Variants in AFF1 observed in about 807,000 individuals in gnomAD.
The protein encoded by AFF1 is ALF transcription elongation factor 1, also known as AF4/FMR2 family member 1.
In AFF1, 48 loss-of-function variants were observed where a neutral mutation model predicts 121.7. That is an observed-to-expected ratio of 0.39 (90% CI 0.31 to 0.50). The LOEUF is 0.50. AFF1 is among the 20% of genes least tolerant of loss of function. The pLI is 0.76. For missense variants in AFF1, 1,523 were observed against 1,511.7 expected (o/e 1.01, Z -0.12); for synonymous variants, 613 against 563.0 (o/e 1.09, Z -1.26).
intron 19 of AFF1, 66 bp from the exon 20 acceptor site, chr4:87,134,405 A>G: frequency 7.1e-7 from 1 of 1,405,696 alleles, no homozygotes. Context: ...CCAGACACGT[A>G]AATCTGTGAT....
chr4:87,111,001 T>TA lies in AFF1; in HGVS notation c.1533+2686_1533+2687insA, dbSNP rs1560635270. On this transcript the variant is annotated intron_variant, in intron 11 of 20. Coordinates refer to ENST00000395146, the MANE Select transcript of AFF1 (RefSeq NM_001166693.3). ...CACTTTTATCTACTTAAACTTTATT[T>TA]TTTTTTTTTTATTTTTTTTTTTTTG... 2.6e-3 allele frequency among the ~76,000 whole-genome samples: 219 copies of TA among 85,412 alleles called. 50 individuals carry two copies. The highest frequency in any genetic ancestry group is 0.011 in the African/African-American group (212 of 18,502). 56.0% of individuals were successfully genotyped at this position (85,412 alleles called of 152,430 possible).
intron 2 of AFF1, among the ~76,000 whole-genome samples, chr4:86,965,603 G>A (rs1182806837): frequency 1.3e-5 from 2 of 152,112 alleles, no homozygotes; most frequent in Admixed American, 6.5e-5. Flanking sequence ...CTCCAAGATG[G>A]CTCACAGAAA....
intron 1 of AFF1, among the ~76,000 whole-genome samples, chr4:86,947,730 A>G (rs1030633606): frequency 1.3e-5 from 2 of 152,304 alleles, no homozygotes; most frequent in South Asian, 2.1e-4. Context: ...TACCAAGACT[A>G]TCTGCCCAGA....
intron 4 of AFF1, among the ~76,000 whole-genome samples, chr4:87,054,682 G>A (rs1325766333): frequency 6.6e-6 from 1 of 152,196 alleles, no homozygotes; most frequent in Non-Finnish European, 1.5e-5. Flanking sequence ...TGGAGCAGAC[G>A]ACTTCCAAAC....
At chr4:87,113,567 C>T (rs773950008) in intron 11 of AFF1, among the ~76,000 whole-genome samples, 6 of 152,080 alleles carry the variant, frequency 3.9e-5, no homozygotes, top group African/African-American at 9.7e-5. Context: ...CCGTATTGGT[C>T]GAATGTTTGA....
intron 4 of AFF1, among the ~76,000 whole-genome samples, chr4:87,072,832 T>G (rs1220183021): frequency 1.3e-5 from 2 of 152,178 alleles, no homozygotes; most frequent in African/African-American, 2.4e-5. Context: ...GTACCCAGCC[T>G]CTTGTGTTTA....
At chr4:86,998,124 AAAACAAG>A (rs1725380790) in intron 2 of AFF1, among the ~76,000 whole-genome samples, 1 of 146,558 alleles carries the variant, frequency 6.8e-6, no homozygotes, top group Non-Finnish European at 1.5e-5. Flanking sequence ...AAAAAAAAAA[AAAACAAG>A]AAAACTGCGT....
chr4:87,035,357 C>T (rs895037512), intron 2 of AFF1, among the ~76,000 whole-genome samples: 1 of 152,008 alleles, frequency 6.6e-6, no homozygotes, highest in East Asian at 1.9e-4. Context: ...GTCAGGAGAT[C>T]GAGACCATCC....
chr4:87,044,401 T>G (rs1174435302), intron 2 of AFF1, among the ~76,000 whole-genome samples: 1 of 152,204 alleles, frequency 6.6e-6, no homozygotes, highest in Non-Finnish European at 1.5e-5. Context: ...GTGCTAAATT[T>G]GCGAGGTTCG....
At position 87,047,564 on chromosome 4, in the gene AFF1, C is replaced by G; in HGVS notation, c.1029C>G (p.Thr343=). 1 of 1,614,182 alleles carries G rather than the reference C, an allele frequency of 6.2e-7. No homozygotes were observed. The highest frequency in any genetic ancestry group is 2.2e-5 in the East Asian group (1 of 44,878). Residue 343 remains threonine, a synonymous_variant, in exon 4 of 21, where the codon ACC becomes ACG. Coordinates refer to ENST00000395146, the MANE Select transcript of AFF1 (RefSeq NM_001166693.3). ...DLKVPAKAKL[T]KLKMPSQSVE... is the part of the protein sequence containing the mutation. ...AAGTGCCTGCCAAAGCCAAGCTCAC[C>G]AAACTGAAGATGCCTTCTCAGTCAG...
In AFF1 at chr4:87,138,493, GTGTGTGT is replaced by G. The variant is rs1475874127; in HGVS notation, c.*2793_*2799del. The stretch of plus-strand genomic sequence containing the variant: ...AATCTTGCCTTTGGCACTACAAGGT[GTGTGTGT>G]GTGTGTGTGTGTGTGTGTGTGTCTT... On this transcript the variant is annotated 3_prime_UTR_variant, in exon 21 of 21. Transcript: ENST00000395146. 2.8e-5 allele frequency: 1 copy of G among 36,056 alleles called. No homozygotes were observed. Among genetic ancestry groups the G allele is most frequent in the Non-Finnish European group, 5.7e-5 (1 of 17,586 alleles). 2.2% of individuals were successfully genotyped at this position (36,056 alleles called of 1,614,324 possible).
chr4:87,122,506 AT>A (rs1560650954), intron 12 of AFF1, among the ~76,000 whole-genome samples: 1 of 152,212 alleles, frequency 6.6e-6, no homozygotes, highest in Admixed American at 6.5e-5. Context: ...AGGATCTGCT[AT>A]GGGTCCATGC....
chr4:86,943,872 G>A (rs1461310076), intron 1 of AFF1, among the ~76,000 whole-genome samples: 1 of 152,084 alleles, frequency 6.6e-6, no homozygotes, highest in African/African-American at 2.4e-5. Context: ...TGAGGCAGGA[G>A]AATCGCTTGA....
At chr4:87,065,063 A>G (rs1220061825) in intron 4 of AFF1, among the ~76,000 whole-genome samples, 1 of 152,066 alleles carries the variant, frequency 6.6e-6, no homozygotes, top group Non-Finnish European at 1.5e-5. Context: ...GGGGACACCA[A>G]CCTTTATTTT....
At chr4:87,008,253 T>C (rs1441108445) in intron 2 of AFF1, among the ~76,000 whole-genome samples, 1 of 152,168 alleles carries the variant, frequency 6.6e-6, no homozygotes, top group East Asian at 1.9e-4. Context: ...TTTAAAGTAG[T>C]AGGGTTCTTC....
chr4:87,025,278 C>T (rs544405626), intron 2 of AFF1, among the ~76,000 whole-genome samples: 6 of 152,292 alleles, frequency 3.9e-5, no homozygotes, highest in East Asian at 1.9e-4. Flanking sequence ...CTGGGCTCAG[C>T]ACTATGTCTG....
intron 1 of AFF1, chr4:86,935,993 T>C (rs562916397): frequency 3.3e-5 from 5 of 152,086 alleles, no homozygotes; most frequent in Admixed American, 6.5e-5. Context: ...GTTACCTTAG[T>C]GTAATGGTAG....
intron 13 of AFF1, 39 bp downstream of exon 13, chr4:87,125,182 T>C: frequency 6.6e-7 from 1 of 1,505,520 alleles, no homozygotes; most frequent in Non-Finnish European, 9.0e-7. Flanking sequence ...TCTACGGTGA[T>C]CAACACTTCT....
chr4:87,102,576 C>T (rs1725532918), intron 8 of AFF1, among the ~76,000 whole-genome samples: 1 of 152,132 alleles, frequency 6.6e-6, no homozygotes, highest in Non-Finnish European at 1.5e-5. Flanking sequence ...AGTGTCTGTT[C>T]TGATCACATA....
Sources: allele counts gnomAD v4.1 joint callset (sites outside exome capture counted in the v4.1 genomes callset), GRCh38; gene constraint gnomAD v4.1.1; transcripts MANE v1.5; gene names NCBI Gene and HGNC (gene_info 2026-07-23, HGNC 2026-07-21).